Variants in ZNF701 observed in about 807,000 individuals in gnomAD.
ZNF701 encodes zinc finger protein 701.
Under a neutral mutation model 7.1 loss-of-function variants are expected in ZNF701, and 6 were observed. That is an observed-to-expected ratio of 0.84 (90% CI 0.46 to 1.66). The LOEUF (loss-of-function observed/expected upper bound fraction) is 1.66, where lower values mean the gene tolerates loss of function less well. Among genes scored for constraint, ZNF701 ranks in the 40% most tolerant of loss-of-function variants. ZNF701 has a pLI of 0.01. For synonymous variants in ZNF701, 166 were observed against 188.2 expected, an observed-to-expected ratio of 0.88 and a Z score of 0.97; for missense variants, 541 against 559.2, an observed-to-expected ratio of 0.97 and a Z score of 0.33.
chr19:52,582,809 G>A lies in ZNF701; in HGVS notation c.750G>A (p.Lys250=), dbSNP rs114694502. The change falls in exon 4 of 4, where the codon AAG becomes AAA. Residue 250 remains lysine (K), a synonymous_variant. Coordinates refer to ENST00000391785, the MANE Select transcript of ZNF701 (RefSeq NM_018260.3). ...DKQYKCDVCG[K]DFHQKRYLAC... ...AGTATAAATGTGATGTATGCGGCAA[G>A]GACTTTCATCAGAAGCGATACCTTG... 9.9e-5 allele frequency: 160 copies of A among 1,614,160 alleles called. No homozygotes were observed. The African/African-American group carries it at 2.1e-3, about 21-fold the overall frequency.
chr19:52,581,389 T>G (rs1032813916), intron 3 of ZNF701, among the ~76,000 whole-genome samples: 5 of 152,032 alleles, frequency 3.3e-5, no homozygotes, highest in African/African-American at 1.2e-4. Flanking sequence ...CTGGCTACTT[T>G]TTGTATGTTT....
At chr19:52,576,419 T>C (rs1194973158) in intron 3 of ZNF701, among the ~76,000 whole-genome samples, 3 of 152,016 alleles carry the variant, frequency 2.0e-5, no homozygotes, top group Admixed American at 6.6e-5. Flanking sequence ...TGCATGCCTG[T>C]AATCCCAGCT....
At chr19:52,596,254 C>A in the ZNF701 span, 5 of 476,792 alleles carry the variant, frequency 1.0e-5, no homozygotes, top group Admixed American at 1.2e-4. Context: ...TTGCATGGCA[C>A]CATAGTGTTC....
chr19:52,578,250 T>A lies in ZNF701; in HGVS notation c.142+2229T>A, dbSNP rs1201185904. Among the ~76,000 whole-genome samples, 78 of 84,878 alleles carry A rather than the reference T, an allele frequency of 9.2e-4. 1 individual carries two copies. Among genetic ancestry groups the A allele is most frequent in the African/African-American group, 4.6e-3 (75 of 16,268 alleles). The allele number at this position is 84,878 out of a possible 152,430, so 55.7% of individuals were successfully genotyped here. On this transcript the variant is annotated intron_variant, in intron 3 of 3. Transcript: ENST00000391785. ...GCCTGGGCGACAGAGTGAGACTCCG[T>A]CTCAAAAAAAAAAAAAAAAAAAAAA...
At position 52,586,474 on chromosome 19, in the gene ZNF701, C is replaced by G. The variant is rs962365147; in HGVS notation, c.*3017C>G. On this transcript the variant is annotated 3_prime_UTR_variant, in exon 4 of 4. Transcript: ENST00000391785. ...TTTCACCATTTTGCCAGGTTTGTCT[C>G]AAACTCCTCGGCTTAACTGATCCGC... 2 of 152,192 alleles carry G rather than the reference C, an allele frequency of 1.3e-5. No individual in the cohort carries two copies. The highest frequency in any genetic ancestry group is 2.4e-5 in the African/African-American group (1 of 41,460). 9.4% of individuals were successfully genotyped at this position (152,192 alleles called of 1,614,324 possible). A position where few individuals can be genotyped will look rare whatever the true frequency, so the allele number is the denominator to read the frequency against.
chr19:52,582,685 A>T lies in ZNF701; in HGVS notation c.626A>T (p.His209Leu), dbSNP rs767897345. The T allele has an allele frequency of 2.5e-6, 4 of 1,614,198 alleles. No individual in the cohort carries two copies. Among genetic ancestry groups the T allele is most frequent in the Non-Finnish European group, 2.5e-6 (3 of 1,180,024 alleles). ...SSLLTQKREV[H>L]TREKSFQRNE... ...TTACTCACACAAAAACGGGAAGTAC[A>T]CACAAGAGAAAAATCTTTCCAACGT... The change falls in exon 4 of 4, where the codon CAC becomes CTC. Residue 209 changes from histidine (H) to leucine (L), a missense_variant. Physicochemically the swap from His to Leu is moderately conservative, Grantham distance 99. Transcript: ENST00000391785.
rs1253927173 is a variant in ZNF701 at position 52,584,128 on chromosome 19, C to T, written c.*671C>T. The T allele has an allele frequency of 1.7e-5, 6 of 346,240 alleles. No individual in the cohort carries two copies. The highest frequency in any genetic ancestry group is 7.3e-5 in the Admixed American group (2 of 27,264). The allele number at this position is 346,240 out of a possible 1,614,324, so 21.4% of individuals were successfully genotyped here. A position where few individuals can be genotyped will look rare whatever the true frequency, so the allele number is the denominator to read the frequency against. On this transcript the variant is annotated 3_prime_UTR_variant, in exon 4 of 4. Transcript: ENST00000391785. The stretch of plus-strand genomic sequence containing the variant: ...CCATACTGGACAGAAATCTTACAAA[C>T]GTCCTATGTGTGGCAAGGTCTTCAG...
At chr19:52,572,410 T>C in intron 1 of ZNF701, 1 of 1,281,582 alleles carries the variant, frequency 7.8e-7, no homozygotes. Flanking sequence ...TTATAAATGT[T>C]ACTGTAATTT....
intron 3 of ZNF701, among the ~76,000 whole-genome samples, chr19:52,579,092 A>C (rs1373549575): frequency 7.1e-6 from 1 of 140,464 alleles, no homozygotes; most frequent in Non-Finnish European, 1.5e-5. Flanking sequence ...TTGTATAGAT[A>C]AAATAAAAAG....
chr19:52,573,391 CA>C (rs758583868), intron 1 of ZNF701, among the ~76,000 whole-genome samples: 7 of 152,180 alleles, frequency 4.6e-5, no homozygotes, highest in Non-Finnish European at 1.0e-4. Context: ...CAATGCCCAC[CA>C]AGCCCAGCTA....
chr19:52,596,700 C>T, the ZNF701 span: 24 of 487,120 alleles, frequency 4.9e-5, no homozygotes, highest in Non-Finnish European at 9.2e-5. Flanking sequence ...GAACCTTACA[C>T]ATTTCACGAG....
chr19:52,592,856 A>G, the ZNF701 span, among the ~76,000 whole-genome samples: 9 of 57,508 alleles, frequency 1.6e-4, 2 homozygotes, highest in Admixed American at 1.7e-3. Context: ...ACAGGACAAT[A>G]GTGGAGGGAA....
the ZNF701 span, chr19:52,597,780 AGTG>A: frequency 1.3e-4 from 25 of 196,886 alleles, no homozygotes; most frequent in Non-Finnish European, 2.4e-4. Context: ...AAGGTCTGGA[AGTG>A]GTGTTTTGAA....
Position 52,578,368 on chromosome 19 carries a change from G to C in ZNF701, c.142+2347G>C, listed in dbSNP as rs552167555. On this transcript the variant is annotated intron_variant, in intron 3 of 3. Transcript: ENST00000391785. ...CAAGGGCCCCTTGTCCTATGATCAC[G>C]TGACTTGCTTCACCTTATCAATCAC... Among the ~76,000 whole-genome samples, 5 of 151,396 alleles carry C rather than the reference G, an allele frequency of 3.3e-5. No homozygotes were observed. The South Asian group carries it at 1.0e-3, about 32-fold the overall frequency.
At position 52,582,772 on chromosome 19, in the gene ZNF701, T is replaced by C. The variant is rs2059984231; in HGVS notation, c.713T>C (p.Leu238Ser). The C allele has an allele frequency of 3.1e-6, 5 of 1,614,042 alleles. No homozygotes were observed. Residue 238 changes from leucine to serine, a missense_variant, in exon 4 of 4, where the codon TTA becomes TCA. By Grantham distance (145) the Leu-to-Ser change is moderately radical. Coordinates refer to ENST00000391785, the MANE Select transcript of ZNF701 (RefSeq NM_018260.3). ...SLLKKHQIIH[L>S]GDKQYKCDVC... is the part of the protein sequence containing the mutation. ...TTAAAAAAACATCAGATAATCCATTTAGGAGACAAACAGTATAAATGTGAT... is the reference window on the plus strand; with the variant it reads ...TTAAAAAAACATCAGATAATCCATTCAGGAGACAAACAGTATAAATGTGAT...
intron 3 of ZNF701, among the ~76,000 whole-genome samples, chr19:52,578,178 C>T (rs541566920): frequency 2.2e-5 from 3 of 137,272 alleles, no homozygotes; most frequent in Admixed American, 8.3e-5. Context: ...GGCATGAACC[C>T]GGGAGGCAGA....
chr19:52,577,311 C>A (rs8109828), intron 3 of ZNF701, among the ~76,000 whole-genome samples: 1 of 151,992 alleles, frequency 6.6e-6, no homozygotes, highest in African/African-American at 2.4e-5. Context: ...TGTTGGCCAG[C>A]CTGGTCTCAA....
At chr19:52,592,151 G>C (rs781731921), downstream of ZNF701, 149 of 1,474,864 alleles carry the variant, frequency 1.0e-4, 1 homozygote, top group Non-Finnish European at 1.3e-4. Context: ...TTGGAGGAGT[G>C]GAAATGCCTG....
At chr19:52,598,432 GA>G in the ZNF701 span, among the ~76,000 whole-genome samples, 13 of 152,230 alleles carry the variant, frequency 8.5e-5, no homozygotes, top group African/African-American at 2.9e-4. Context: ...GGGTGGGGGA[GA>G]GGGGCAGGGA....
Sources: gnomAD v4.1 joint callset for allele counts (sites outside exome capture counted in the v4.1 genomes callset) on GRCh38, gnomAD v4.1.1 for gene constraint, MANE v1.5 for transcripts, NCBI Gene and HGNC (gene_info 2026-07-23, HGNC 2026-07-21) for gene names.